The following CCDC179 variants were observed in gnomAD, a reference collection of about 807,000 sequenced individuals.
The protein encoded by CCDC179 is coiled-coil domain-containing protein 179.
CCDC179 carries 17 observed loss-of-function variants against 12.0 expected under a neutral mutation model. That is an observed-to-expected ratio of 1.42 (90% CI 0.97 to 2.13). CCDC179 has a LOEUF of 2.13. Among genes scored for constraint, CCDC179 ranks in the 30% most tolerant of loss-of-function variants. CCDC179 has a pLI of 0.00. For missense variants in CCDC179, 83 were observed against 78.6 expected (o/e 1.06, Z -0.21); for synonymous variants, 27 against 26.4 (o/e 1.02, Z -0.07).
chr11:22,850,972 A>T (rs57884256), intron 3 of CCDC179, among the ~76,000 whole-genome samples: 1,167 of 6,442 alleles, frequency 0.18, 151 homozygotes, highest in East Asian at 0.42. Flanking sequence ...ATATATATAT[A>T]TATATTTTTT....
chr11:22,847,606 G>A, intron 3 of CCDC179, 85 bp from the exon 4 acceptor site: 2 of 647,324 alleles, frequency 3.1e-6, no homozygotes, highest in Non-Finnish European at 4.7e-6. Flanking sequence ...AAATTATTTG[G>A]AAATGGTCTC....
chr11:22,848,854 A>G (rs891494716), intron 3 of CCDC179, among the ~76,000 whole-genome samples: 1 of 152,214 alleles, frequency 6.6e-6, no homozygotes, highest in African/African-American at 2.4e-5. Flanking sequence ...TAATAGAGAA[A>G]TTGAGAGTAA....
rs939313639 is a variant in CCDC179, at chr11:22,859,476, A to G, written c.66T>C (p.His22=). 1 of 1,503,796 alleles carries G rather than the reference A, an allele frequency of 6.6e-7. No homozygotes were observed. The highest frequency in any genetic ancestry group is 8.9e-7 in the Non-Finnish European group (1 of 1,128,830). 93.2% of individuals were successfully genotyped at this position (1,503,796 alleles called of 1,614,324 possible). ...QVNPEGPRQH[H]PSEVTERQLA... ...CCTGCCGCTCAGTGACCTCTGAAGG[A>G]TGATGTTGTCTTGGTCCTTCCTATA... Residue 22 remains histidine (H), a synonymous_variant, in exon 2 of 4, where the codon CAT becomes CAC. Coordinates refer to ENST00000532798, the MANE Select transcript of CCDC179 (RefSeq NM_001195637.2).
chr11:22,850,961 TATATATATATATA>T (rs1358424875), intron 3 of CCDC179, among the ~76,000 whole-genome samples: 11 of 16,668 alleles, frequency 6.6e-4, no homozygotes, highest in East Asian at 1.8e-3. Flanking sequence ...TATATATATA[TATATATATATATA>T]TATTTTTTTT....
chr11:22,852,818 C>T (rs1858439188), intron 3 of CCDC179, among the ~76,000 whole-genome samples: 1 of 152,184 alleles, frequency 6.6e-6, no homozygotes, highest in Non-Finnish European at 1.5e-5. Flanking sequence ...TTGCAATTCC[C>T]CTGTCTTGAT....
intron 3 of CCDC179, among the ~76,000 whole-genome samples, chr11:22,855,513 AAT>A (rs1277520031): frequency 4.0e-5 from 6 of 151,566 alleles, no homozygotes; most frequent in African/African-American, 1.2e-4. Flanking sequence ...TGAAAACGAA[AAT>A]ATGATTTATT....
intron 2 of CCDC179, among the ~76,000 whole-genome samples, chr11:22,858,625 A>T (rs949863098): frequency 6.6e-6 from 1 of 152,110 alleles, no homozygotes; most frequent in Non-Finnish European, 1.5e-5. Flanking sequence ...TGATAACAGA[A>T]TATAAACTTG....
chr11:22,849,521 T>C (rs1858319609), intron 3 of CCDC179, among the ~76,000 whole-genome samples: 1 of 152,120 alleles, frequency 6.6e-6, no homozygotes, highest in African/African-American at 2.4e-5. Context: ...TATAGCAACT[T>C]ATTTTATTTC....
Position 22,852,656 on chromosome 11 carries a change from A to G in CCDC179, c.196-5135T>C, listed in dbSNP as rs145219956. ...TCCATACCCCTGTGATTTCATTCCC[A>G]ACCAACCAGCAGCCCATTCCCATAG... On this transcript the variant is annotated intron_variant, in intron 3 of 3. Transcript: ENST00000532798. Among the ~76,000 whole-genome samples the G allele has an allele frequency of 4.1e-4, 63 of 152,288 alleles. No individual in the cohort carries two copies. In the South Asian group the frequency reaches 5.8e-3, roughly 14 times the overall value.
intron 3 of CCDC179, among the ~76,000 whole-genome samples, chr11:22,853,874 C>G (rs1019267274): frequency 6.6e-6 from 1 of 151,888 alleles, no homozygotes; most frequent in Non-Finnish European, 1.5e-5. Flanking sequence ...AGATAAATGT[C>G]TACATCTAGA....
chr11:22,859,328 C>T (rs755853913), intron 2 of CCDC179, 124 bp downstream of exon 2: 32 of 496,700 alleles, frequency 6.4e-5, no homozygotes, highest in Middle Eastern at 4.1e-4. Flanking sequence ...CCCAGAGTCC[C>T]AAGAAATATA....
intron 3 of CCDC179, among the ~76,000 whole-genome samples, chr11:22,856,281 G>T (rs971434052): frequency 6.6e-6 from 1 of 151,372 alleles, no homozygotes; most frequent in Admixed American, 6.6e-5. Flanking sequence ...CAAAATATTA[G>T]CAAATTGATC....
At chr11:22,856,239 C>T (rs565459543) in intron 3 of CCDC179, among the ~76,000 whole-genome samples, 2 of 151,418 alleles carry the variant, frequency 1.3e-5, no homozygotes, top group Non-Finnish European at 3.0e-5. Flanking sequence ...CAGACCAATA[C>T]CTCTCATGAA....
At chr11:22,848,008 CAG>C (rs1490476074) in intron 3 of CCDC179, among the ~76,000 whole-genome samples, 1 of 151,966 alleles carries the variant, frequency 6.6e-6, no homozygotes, top group African/African-American at 2.4e-5. Context: ...AAGTGAGCAA[CAG>C]GGACAAATAA....
intron 3 of CCDC179, among the ~76,000 whole-genome samples, chr11:22,853,440 A>G (rs1270284940): frequency 2.0e-5 from 3 of 152,154 alleles, no homozygotes; most frequent in Admixed American, 6.6e-5. Flanking sequence ...AATCAAACTA[A>G]CACTAAAAGT....
rs913965525 is a variant in CCDC179 at position 22,857,976 on chromosome 11, C to T, written c.141G>A (p.Arg47=). 2.0e-6 allele frequency: 3 copies of T among 1,528,388 alleles called. No homozygotes were observed. Among genetic ancestry groups the T allele is most frequent in the Non-Finnish European group, 2.6e-6 (3 of 1,143,624 alleles). 94.7% of individuals were successfully genotyped at this position (1,528,388 alleles called of 1,614,324 possible). A position where few individuals can be genotyped will look rare whatever the true frequency, so the allele number is the denominator to read the frequency against. Residue 47 remains arginine, a synonymous_variant, in exon 3 of 4, where the codon AGG becomes AGA. Coordinates refer to ENST00000532798, the MANE Select transcript of CCDC179 (RefSeq NM_001195637.2). The part of the protein sequence containing the change: ...QNMQHLKKEK[R]RLNKRFSRPS... ...GCCTTGAAAACCTTTTATTCAGTCT[C>T]CTCTTCTCTTTCTTTAGGTGTTGCA... is the stretch of plus-strand genomic sequence containing the variant.
At chr11:22,860,299 G>T in intron 1 of CCDC179, 78 bp downstream of exon 1, 1 of 1,462,018 alleles carries the variant, frequency 6.8e-7, no homozygotes, top group Non-Finnish European at 9.2e-7. Flanking sequence ...AAGCACCATG[G>T]CCAAGGCCAC....
intron 3 of CCDC179, among the ~76,000 whole-genome samples, chr11:22,854,475 G>A (rs1386014716): frequency 6.6e-6 from 1 of 151,710 alleles, no homozygotes; most frequent in East Asian, 1.9e-4. Context: ...TACCCATAAA[G>A]TAGTATAGTG....
chr11:22,858,254 T>C (rs1487615573), intron 2 of CCDC179: 1 of 321,106 alleles, frequency 3.1e-6, no homozygotes, highest in Non-Finnish European at 5.7e-6. Flanking sequence ...AATAAGACTA[T>C]TCTTGATTCT....
Sources: gnomAD v4.1 joint callset for allele counts (sites outside exome capture counted in the v4.1 genomes callset) on GRCh38, gnomAD v4.1.1 for gene constraint, MANE v1.5 for transcripts, NCBI Gene and HGNC (gene_info 2026-07-23, HGNC 2026-07-21) for gene names.